The following FAM13A variants were observed in gnomAD, a reference collection of about 807,000 sequenced individuals.
FAM13A encodes protein FAM13A.
A neutral mutation model predicts 129.6 loss-of-function variants in FAM13A; 76 were observed. The ratio of observed to expected loss-of-function variants is 0.59; its 90% CI spans 0.49 to 0.71. The LOEUF is 0.71. Ranked by LOEUF, FAM13A falls within the 30% of genes least tolerant of loss-of-function variation. FAM13A has a pLI of 0.00. For synonymous variants in FAM13A, 443 were observed against 449.9 expected (o/e 0.98, Z 0.20); for missense variants, 1,108 against 1,249.3 (o/e 0.89, Z 1.70).
At chr4:88,970,283 C>T (rs958210471) in intron 4 of FAM13A, among the ~76,000 whole-genome samples, 1 of 152,062 alleles carries the variant, frequency 6.6e-6, no homozygotes, top group Non-Finnish European at 1.5e-5. Flanking sequence ...AATATAATTA[C>T]GGTTGCCCAT....
chr4:88,963,683 T>A (rs570551439), intron 4 of FAM13A, among the ~76,000 whole-genome samples: 87 of 152,310 alleles, frequency 5.7e-4, no homozygotes, highest in African/African-American at 2.0e-3. Context: ...AAGGGTCTCT[T>A]TTCAAAGACT....
In FAM13A at chr4:88,781,078, T is replaced by C. The variant is rs149938891; in HGVS notation, c.1458+87A>G. 1,735 of 925,140 alleles carry C rather than the reference T, an allele frequency of 1.9e-3. 11 individuals carry two copies. In the African/African-American group the frequency reaches 0.019, roughly 10 times the overall value. 57.3% of individuals were successfully genotyped at this position (925,140 alleles called of 1,614,324 possible). A position where few individuals can be genotyped will look rare whatever the true frequency, so the allele number is the denominator to read the frequency against. On this transcript the variant is annotated intron_variant, in intron 11 of 23. Coordinates refer to ENST00000264344, the MANE Select transcript of FAM13A (RefSeq NM_014883.4). ...CTTCCAGCACTCAAAACTGAAAGAC[T>C]GAAATTACTTTTAATTTTTTTACAA...
chr4:88,891,958 C>A (rs567278965), intron 6 of FAM13A, among the ~76,000 whole-genome samples: 1 of 152,190 alleles, frequency 6.6e-6, no homozygotes, highest in East Asian at 1.9e-4. Flanking sequence ...GGGAGGAGTG[C>A]TTAAAGCCAG....
chr4:88,822,809 C>A lies in FAM13A; in HGVS notation c.1008-17757G>T, dbSNP rs537676219. On this transcript the variant is annotated intron_variant, in intron 7 of 23. Transcript: ENST00000264344. The stretch of plus-strand genomic sequence containing the variant: ...GTTGGGCAAAATGTCAGTAAAAGAG[C>A]AGTATAATATTTAATTTTTTCTGTT... Among the ~76,000 whole-genome samples the A allele has an allele frequency of 1.1e-3, 172 of 152,240 alleles. 2 individuals carry two copies. The highest frequency in any genetic ancestry group is 6.8e-3 in the Middle Eastern group (2 of 294).
chr4:88,892,965 G>A (rs1745617160), intron 6 of FAM13A, among the ~76,000 whole-genome samples: 1 of 151,950 alleles, frequency 6.6e-6, no homozygotes, highest in African/African-American at 2.4e-5. Context: ...ACTGAGAAAA[G>A]GTACTTTGAA....
intron 3 of FAM13A, chr4:89,008,877 T>C (rs1446638411): frequency 3.9e-5 from 6 of 152,236 alleles, no homozygotes; most frequent in Non-Finnish European, 1.5e-5. Context: ...CTCAGAATTA[T>C]AAACACTGAT....
intron 8 of FAM13A, among the ~76,000 whole-genome samples, chr4:88,800,008 T>C (rs1452411003): frequency 6.6e-6 from 1 of 152,186 alleles, no homozygotes; most frequent in Non-Finnish European, 1.5e-5. Flanking sequence ...TGCTACAACA[T>C]GGATGTACCC....
Position 88,731,351 on chromosome 4 carries a change from T to C in FAM13A, c.2921A>G (p.Asp974Gly). Residue 974 changes from aspartate (D) to glycine (G), a missense_variant, in exon 23 of 24, where the codon GAC becomes GGC. Physicochemically the swap from Asp to Gly is moderately conservative, Grantham distance 94. Coordinates refer to ENST00000264344, the MANE Select transcript of FAM13A (RefSeq NM_014883.4). ...RIRKKLRDFEDNFFRQNGRNV... is the reference protein window; with the variant it reads ...RIRKKLRDFEGNFFRQNGRNV... ...CCTTCCATTCTGTCTGAAAAAGTTG[T>C]CTTCAAAATCCCGAAGTTTCTTTCG... is the stretch of plus-strand genomic sequence containing the variant. 3 of 1,608,308 alleles carry C rather than the reference T, an allele frequency of 1.9e-6. No homozygotes were observed. Among genetic ancestry groups the C allele is most frequent in the Non-Finnish European group, 2.5e-6 (3 of 1,178,754 alleles).
chr4:88,972,867 C>A (rs1004430841), intron 4 of FAM13A, among the ~76,000 whole-genome samples: 1 of 152,170 alleles, frequency 6.6e-6, no homozygotes, highest in South Asian at 2.1e-4. Flanking sequence ...CTTGACCTCC[C>A]AAAGTACTGG....
intron 11 of FAM13A, among the ~76,000 whole-genome samples, chr4:88,770,839 A>G (rs2149562234): frequency 6.6e-6 from 1 of 152,296 alleles, no homozygotes; most frequent in African/African-American, 2.4e-5. Context: ...ACAAGTATTA[A>G]CTTCTTCAAC....
intron 4 of FAM13A, among the ~76,000 whole-genome samples, chr4:88,947,944 T>C (rs909496307): frequency 3.3e-5 from 5 of 152,094 alleles, no homozygotes; most frequent in African/African-American, 1.2e-4. Flanking sequence ...CATACAGATA[T>C]ACACTATATT....
chr4:88,909,774 C>T (rs185317593), intron 5 of FAM13A, among the ~76,000 whole-genome samples: 77 of 152,210 alleles, frequency 5.1e-4, no homozygotes, highest in African/African-American at 1.7e-3. Flanking sequence ...AGTGAGCCAC[C>T]GTACCCAGCT....
At chr4:88,973,558 T>A (rs927371223) in intron 4 of FAM13A, among the ~76,000 whole-genome samples, 3 of 147,864 alleles carry the variant, frequency 2.0e-5, no homozygotes, top group African/African-American at 7.6e-5. Context: ...TTGCATTCTG[T>A]CTACTTTATC....
intron 4 of FAM13A, among the ~76,000 whole-genome samples, chr4:88,969,271 C>G (rs1360734953): frequency 6.6e-6 from 1 of 152,134 alleles, no homozygotes; most frequent in Non-Finnish European, 1.5e-5. Context: ...ATATACGAAG[C>G]TGGGGTCAGA....
chr4:88,769,531 A>G (rs573018194), intron 11 of FAM13A, among the ~76,000 whole-genome samples: 2 of 152,240 alleles, frequency 1.3e-5, no homozygotes, highest in East Asian at 3.9e-4. Flanking sequence ...AAATAAAATG[A>G]TATGTAAAGT....
At chr4:88,938,591 A>G (rs1754207897) in intron 4 of FAM13A, among the ~76,000 whole-genome samples, 4 of 152,216 alleles carry the variant, frequency 2.6e-5, no homozygotes, top group Admixed American at 2.6e-4. Flanking sequence ...TAGCCACACA[A>G]ATAATAGCAA....
At position 88,806,231 on chromosome 4, in the gene FAM13A, A is replaced by G. The variant is rs183528226; in HGVS notation, c.1008-1179T>C. ...ACAGATAAAAGTAGAAAGATAAAGT[A>G]TTAAATAAAATGAAAAAGAAAGTCT... On this transcript the variant is annotated intron_variant, in intron 7 of 23. Coordinates refer to ENST00000264344, the MANE Select transcript of FAM13A (RefSeq NM_014883.4). Among the ~76,000 whole-genome samples, 107 of 152,314 alleles carry G rather than the reference A, an allele frequency of 7.0e-4. No homozygotes were observed. The Middle Eastern group carries it at 0.01, about 15-fold the overall frequency.
rs190512824 is a variant in FAM13A at position 88,795,243 on chromosome 4, A to C, written c.1050-4616T>G. On this transcript the variant is annotated intron_variant, in intron 8 of 23. Coordinates refer to ENST00000264344, the MANE Select transcript of FAM13A (RefSeq NM_014883.4). ...ACATACTACATGGATATAACTCAAA[A>C]AGAGGAAAATATTTATCCTCATACC... is the stretch of plus-strand genomic sequence containing the variant. 2.3e-3 allele frequency among the ~76,000 whole-genome samples: 355 copies of C among 151,946 alleles called. 2 individuals are homozygous for C. The highest frequency in any genetic ancestry group is 5.8e-3 in the South Asian group (28 of 4,834).
In FAM13A at chr4:89,056,949, G is replaced by C. The variant is rs1286084165; in HGVS notation, c.16C>G (p.Leu6Val). The C allele has an allele frequency of 1.2e-6, 2 of 1,613,596 alleles. No homozygotes were observed. The highest frequency in any genetic ancestry group is 2.2e-5 in the East Asian group (1 of 44,892). Residue 6 changes from leucine to valine, a missense_variant, in exon 1 of 24, where the codon CTA becomes GTA. Coordinates refer to ENST00000264344, the MANE Select transcript of FAM13A (RefSeq NM_014883.4). ...AGGCCTATACTTACACAGATGGCTA[G>C]AGCTCCTGCCCCCATTCTCTCAGAA... MGAGA[L>V]AICQSKAAVR...
Sources: allele counts gnomAD v4.1 joint callset (sites outside exome capture counted in the v4.1 genomes callset), GRCh38; gene constraint gnomAD v4.1.1; transcripts MANE v1.5; gene names NCBI Gene and HGNC (gene_info 2026-07-23, HGNC 2026-07-21).